Variants in CNTN5 observed in about 807,000 individuals in gnomAD.
The protein encoded by CNTN5 is contactin 5.
Under a neutral mutation model 129.1 loss-of-function variants are expected in CNTN5, and 77 were observed. That is an observed-to-expected ratio of 0.60 (90% CI 0.50 to 0.72). The LOEUF (loss-of-function observed/expected upper bound fraction) is 0.72, where lower values mean the gene tolerates loss of function less well. CNTN5 is among the 30% of genes least tolerant of loss of function. The pLI is 0.00. For missense variants in CNTN5, 1,478 were observed against 1,328.8 expected (o/e 1.11, Z -1.75); for synonymous variants, 509 against 465.6 (o/e 1.09, Z -1.20).
intron 2 of CNTN5, among the ~76,000 whole-genome samples, chr11:99,439,290 C>G (rs1049469938): frequency 1.1e-4 from 17 of 151,102 alleles, no homozygotes; most frequent in African/African-American, 4.1e-4. Flanking sequence ...GTGTAGATCT[C>G]TGTGTGTGTG....
At chr11:99,598,329 CCT>C (rs1163753320) in intron 3 of CNTN5, among the ~76,000 whole-genome samples, 13 of 12,662 alleles carry the variant, frequency 1.0e-3, no homozygotes, top group African/African-American at 4.6e-3. Context: ...CTTTTCTGTC[CCT>C]CTCTCTCTCT....
chr11:100,350,615 T>C, intron 23 of CNTN5, 87 bp from the exon 24 acceptor site: 1 of 965,202 alleles, frequency 1.0e-6, no homozygotes. Context: ...CTCCTTGTGC[T>C]TATCTCAGAA....
At chr11:100,261,483 T>C (rs185504707) in intron 17 of CNTN5, among the ~76,000 whole-genome samples, 1 of 152,188 alleles carries the variant, frequency 6.6e-6, no homozygotes, top group African/African-American at 2.4e-5. Flanking sequence ...AGAGCCCGCA[T>C]AGCCAAGACA....
chr11:100,345,150 T>C (rs1365374346), intron 23 of CNTN5, among the ~76,000 whole-genome samples: 1 of 152,166 alleles, frequency 6.6e-6, no homozygotes, highest in Non-Finnish European at 1.5e-5. Context: ...AATTTACTTC[T>C]CTCAGTTCTG....
intron 7 of CNTN5, among the ~76,000 whole-genome samples, chr11:99,951,300 C>T (rs961693414): frequency 3.4e-4 from 51 of 151,726 alleles, no homozygotes; most frequent in African/African-American, 1.2e-3. Flanking sequence ...GTATGTGACT[C>T]ACGGTAAACT....
chr11:100,322,201 G>A (rs1197291840), intron 21 of CNTN5, among the ~76,000 whole-genome samples: 2 of 150,384 alleles, frequency 1.3e-5, no homozygotes, highest in East Asian at 1.9e-4. Flanking sequence ...CACCCATATT[G>A]TTACATGCAA....
Position 99,235,497 on chromosome 11 carries a change from G to T in CNTN5, c.-209-89849G>T, listed in dbSNP as rs1042082035. Among the ~76,000 whole-genome samples, 12 of 151,996 alleles carry T rather than the reference G, an allele frequency of 7.9e-5. 2 individuals carry two copies. The highest frequency in any genetic ancestry group is 7.9e-4 in the Admixed American group (12 of 15,250). ...TCACCATGTTCCCAGGAAAATTAGAGCTATTCAAGTATTTTTGAATTATTT... is the reference window on the plus strand; with the variant it reads ...TCACCATGTTCCCAGGAAAATTAGATCTATTCAAGTATTTTTGAATTATTT... On this transcript the variant is annotated intron_variant, in intron 1 of 24. Coordinates refer to ENST00000524871, the MANE Select transcript of CNTN5 (RefSeq NM_014361.4).
At chr11:99,593,762 T>C (rs1284420447) in intron 3 of CNTN5, among the ~76,000 whole-genome samples, 2 of 152,238 alleles carry the variant, frequency 1.3e-5, no homozygotes, top group Non-Finnish European at 2.9e-5. Context: ...TTCTTCTGTG[T>C]TTACAGAGGA....
intron 9 of CNTN5, among the ~76,000 whole-genome samples, chr11:100,022,036 T>C (rs1315235882): frequency 6.6e-6 from 1 of 152,166 alleles, no homozygotes; most frequent in Admixed American, 6.5e-5. Context: ...CCCACCACAT[T>C]GTGGGTAGGT....
intron 1 of CNTN5, among the ~76,000 whole-genome samples, chr11:99,180,549 T>C (rs986455303): frequency 2.0e-5 from 3 of 152,224 alleles, no homozygotes; most frequent in African/African-American, 4.8e-5. Flanking sequence ...TAGGAATAGA[T>C]TGAAATAGAG....
At chr11:99,162,386 A>G (rs746464534) in intron 1 of CNTN5, among the ~76,000 whole-genome samples, 1 of 152,108 alleles carries the variant, frequency 6.6e-6, no homozygotes, top group Non-Finnish European at 1.5e-5. Context: ...TTGAAGCTAC[A>G]TCATCTTGAG....
intron 1 of CNTN5, among the ~76,000 whole-genome samples, chr11:99,309,319 G>T (rs1367642032): frequency 1.3e-5 from 2 of 149,370 alleles, no homozygotes; most frequent in Admixed American, 6.7e-5. Flanking sequence ...GTTTCACTTT[G>T]TTCTGGTAGG....
intron 1 of CNTN5, among the ~76,000 whole-genome samples, chr11:99,207,049 A>T (rs1042849725): frequency 2.6e-5 from 4 of 152,110 alleles, no homozygotes; most frequent in Admixed American, 1.3e-4. Flanking sequence ...TGCTAGTCTT[A>T]GTCACAAGCA....
intron 13 of CNTN5, among the ~76,000 whole-genome samples, chr11:100,100,039 C>A (rs1945165047): frequency 6.6e-6 from 1 of 152,032 alleles, no homozygotes; most frequent in South Asian, 2.1e-4. Context: ...TCCAATTATC[C>A]ATTTGCTGCA....
At chr11:100,320,562 T>G (rs1951670184) in intron 21 of CNTN5, among the ~76,000 whole-genome samples, 1 of 152,104 alleles carries the variant, frequency 6.6e-6, no homozygotes, top group African/African-American at 2.4e-5. Flanking sequence ...CCCATTTGGT[T>G]TTTTTGTTTG....
intron 1 of CNTN5, among the ~76,000 whole-genome samples, chr11:99,057,508 C>T (rs1349588159): frequency 1.3e-5 from 2 of 151,782 alleles, no homozygotes; most frequent in Non-Finnish European, 2.9e-5. Flanking sequence ...GTCTAGGTGA[C>T]TGAAACCTAT....
chr11:100,190,674 G>A (rs1275626509), intron 13 of CNTN5, among the ~76,000 whole-genome samples: 1 of 151,526 alleles, frequency 6.6e-6, no homozygotes, highest in African/African-American at 2.4e-5. Flanking sequence ...TCATCTCTTG[G>A]CTGTATACAA....
At chr11:100,056,791 C>T (rs1344687015) in intron 9 of CNTN5, among the ~76,000 whole-genome samples, 1 of 151,542 alleles carries the variant, frequency 6.6e-6, no homozygotes, top group Non-Finnish European at 1.5e-5. Flanking sequence ...TTTCCTGCTT[C>T]AAGCAGAATA....
intron 1 of CNTN5, among the ~76,000 whole-genome samples, chr11:99,246,810 A>T (rs1262563285): frequency 6.6e-6 from 1 of 152,204 alleles, no homozygotes; most frequent in Non-Finnish European, 1.5e-5. Flanking sequence ...CAATATTGAC[A>T]AAGCAAGAAT....
Sources: allele counts gnomAD v4.1 joint callset (sites outside exome capture counted in the v4.1 genomes callset), GRCh38; gene constraint gnomAD v4.1.1; transcripts MANE v1.5; gene names NCBI Gene and HGNC (gene_info 2026-07-23, HGNC 2026-07-21).